EPHA6: variants seen among roughly 807,000 people sequenced by gnomAD.
EPHA6 encodes the protein ephrin type-A receptor 6.
In EPHA6, 50 loss-of-function variants were observed where a neutral mutation model predicts 112.0. That is an observed-to-expected ratio of 0.45 (90% CI 0.36 to 0.56). The LOEUF (loss-of-function observed/expected upper bound fraction) is 0.56, where lower values mean the gene tolerates loss of function less well. Ranked by LOEUF, EPHA6 falls within the 20% of genes least tolerant of loss-of-function variation. The pLI, the probability that EPHA6 is intolerant of heterozygous loss-of-function variation, is 0.00. For missense variants in EPHA6, 1,280 were observed against 1,417.4 expected (o/e 0.90, Z 1.56); for synonymous variants, 529 against 490.7 (o/e 1.08, Z -1.03).
chr3:97,525,852 G>A (rs767405788), intron 10 of EPHA6, among the ~76,000 whole-genome samples: 1 of 152,100 alleles, frequency 6.6e-6, no homozygotes, highest in Non-Finnish European at 1.5e-5. Flanking sequence ...CTGGATCTGG[G>A]ATGATGAAGG....
chr3:97,320,470 GGAGTA>G (rs2082056226), intron 5 of EPHA6, among the ~76,000 whole-genome samples: 1 of 151,852 alleles, frequency 6.6e-6, no homozygotes, highest in South Asian at 2.1e-4. Flanking sequence ...GCTCTGGAGT[GGAGTA>G]AAGGTTCAAA....
At chr3:96,897,988 C>A (rs984732683) in intron 2 of EPHA6, among the ~76,000 whole-genome samples, 1 of 151,674 alleles carries the variant, frequency 6.6e-6, no homozygotes, top group Non-Finnish European at 1.5e-5. Flanking sequence ...TCCCTCATTG[C>A]GTAATTTTAA....
At chr3:97,213,247 C>A (rs1487226744) in intron 3 of EPHA6, among the ~76,000 whole-genome samples, 1 of 152,162 alleles carries the variant, frequency 6.6e-6, no homozygotes, top group Non-Finnish European at 1.5e-5. Flanking sequence ...CCTTCTGCAA[C>A]TACATTCACT....
chr3:97,504,164 A>G (rs1270129500), intron 10 of EPHA6, among the ~76,000 whole-genome samples: 1 of 152,232 alleles, frequency 6.6e-6, no homozygotes, highest in African/African-American at 2.4e-5. Context: ...CAAATAATTA[A>G]TACAATTGTT....
At chr3:97,164,425 C>T (rs756800467) in intron 3 of EPHA6, among the ~76,000 whole-genome samples, 9 of 152,080 alleles carry the variant, frequency 5.9e-5, no homozygotes, top group Admixed American at 2.6e-4. Context: ...TTATTTCTTA[C>T]GTGTTTTATG....
At chr3:97,132,176 G>C (rs28589300) in intron 3 of EPHA6, among the ~76,000 whole-genome samples, 12,756 of 151,962 alleles carry the variant, frequency 0.084, 670 homozygotes, top group Middle Eastern at 0.16. Flanking sequence ...TTGCTTTACA[G>C]AGCACTTATC....
chr3:96,994,732 T>TATATAGAGAGAGAG (rs1170197805), intron 3 of EPHA6, among the ~76,000 whole-genome samples: 21 of 82,200 alleles, frequency 2.6e-4, no homozygotes, highest in East Asian at 6.4e-4. Context: ...TATATATATA[T>TATATAGAGAGAGAG]AGAGAGAGAG....
intron 3 of EPHA6, among the ~76,000 whole-genome samples, chr3:97,027,255 A>C (rs1040882219): frequency 6.6e-6 from 1 of 152,202 alleles, no homozygotes. Flanking sequence ...ACATGGGCAC[A>C]TACAGGGGAA....
chr3:96,927,413 C>T (rs979097006), intron 2 of EPHA6, among the ~76,000 whole-genome samples: 2 of 152,230 alleles, frequency 1.3e-5, no homozygotes, highest in African/African-American at 4.8e-5. Flanking sequence ...CACATTTCTG[C>T]AGAAAATGGG....
intron 14 of EPHA6, among the ~76,000 whole-genome samples, chr3:97,711,468 T>C (rs1325089727): frequency 6.6e-6 from 1 of 151,908 alleles, no homozygotes; most frequent in East Asian, 1.9e-4. Flanking sequence ...GGCTGAAAAG[T>C]CCCAGGATAC....
chr3:97,511,809 G>C (rs1381555755), intron 10 of EPHA6, among the ~76,000 whole-genome samples: 2 of 152,040 alleles, frequency 1.3e-5, no homozygotes, highest in Admixed American at 1.3e-4. Context: ...TGTGTTCAAT[G>C]ATATATCCAA....
At chr3:97,576,756 A>G (rs2093389893) in intron 11 of EPHA6, among the ~76,000 whole-genome samples, 1 of 152,194 alleles carries the variant, frequency 6.6e-6, no homozygotes, top group Non-Finnish European at 1.5e-5. Context: ...CTTATTAATC[A>G]CAATTCAACC....
At chr3:97,084,115 T>C (rs1321321208) in intron 3 of EPHA6, among the ~76,000 whole-genome samples, 1 of 126,412 alleles carries the variant, frequency 7.9e-6, no homozygotes, top group Non-Finnish European at 1.6e-5. Context: ...TATATATATA[T>C]ATATATATGG....
intron 2 of EPHA6, among the ~76,000 whole-genome samples, chr3:96,927,011 C>T (rs2040071316): frequency 6.6e-6 from 1 of 152,244 alleles, no homozygotes; most frequent in African/African-American, 2.4e-5. Flanking sequence ...GGCTCAGCCC[C>T]TGCAGCAGAC....
At chr3:96,916,271 A>C (rs1299203498) in intron 2 of EPHA6, among the ~76,000 whole-genome samples, 1 of 152,150 alleles carries the variant, frequency 6.6e-6, no homozygotes. Context: ...CGTTGTAAAT[A>C]CATGTCTAAC....
At chr3:96,832,337 A>G (rs2034137554) in intron 1 of EPHA6, among the ~76,000 whole-genome samples, 1 of 152,096 alleles carries the variant, frequency 6.6e-6, no homozygotes, top group Admixed American at 6.6e-5. Flanking sequence ...TTAACAATAT[A>G]GAATGCATAT....
chr3:97,559,919 A>G (rs974822086), intron 11 of EPHA6, among the ~76,000 whole-genome samples: 1 of 151,996 alleles, frequency 6.6e-6, no homozygotes, highest in Non-Finnish European at 1.5e-5. Flanking sequence ...ACTAATCACC[A>G]TAAAATTTAT....
intron 1 of EPHA6, among the ~76,000 whole-genome samples, chr3:96,849,017 G>A (rs1416372812): frequency 6.6e-6 from 1 of 152,128 alleles, no homozygotes; most frequent in East Asian, 1.9e-4. Flanking sequence ...AAATTTCCTA[G>A]GGGAAAATAT....
chr3:97,162,309 C>T (rs1327106571), intron 3 of EPHA6, among the ~76,000 whole-genome samples: 3 of 152,126 alleles, frequency 2.0e-5, no homozygotes, highest in African/African-American at 7.2e-5. Context: ...TCCATTTGCC[C>T]TTTCCCAATG....
Sources: gnomAD v4.1 joint callset for allele counts (sites outside exome capture counted in the v4.1 genomes callset) on GRCh38, gnomAD v4.1.1 for gene constraint, MANE v1.5 for transcripts, NCBI Gene and HGNC (gene_info 2026-07-23, HGNC 2026-07-21) for gene names.